The following NOL7 variants were observed in gnomAD, a reference collection of about 807,000 sequenced individuals.
The protein encoded by NOL7 is nucleolar protein 7.
NOL7 carries 36 observed loss-of-function variants against 38.4 expected under a neutral mutation model. The ratio of observed to expected loss-of-function variants is 0.94; its 90% CI spans 0.72 to 1.24. The LOEUF is 1.24. Ranked by LOEUF, NOL7 falls within the 50% of genes most tolerant of loss-of-function variation. The pLI is 0.00. For synonymous variants in NOL7, 142 were observed against 126.5 expected, an observed-to-expected ratio of 1.12 and a Z score of -0.82; for missense variants, 350 against 315.1, an observed-to-expected ratio of 1.11 and a Z score of -0.84.
Position 13,617,750 on chromosome 6 carries a change from GTT to G in NOL7, c.387-17_387-16del. 6.2e-7 allele frequency: 1 copy of G among 1,612,562 alleles called. No homozygotes were observed. Among genetic ancestry groups the G allele is most frequent in the African/African-American group, 1.3e-5 (1 of 74,966 alleles). ...ATCTTTACTGCCATTGCAGTCAGTG[GTT>G]TTGTTTTTTTTCCTTAGCATCAAGA... On this transcript the variant is annotated intron_variant, in intron 3 of 7. Coordinates refer to ENST00000451315, the MANE Select transcript of NOL7 (RefSeq NM_016167.5).
At chr6:13,628,662 G>A (rs926960015) in intron 8 of NOL7, among the ~76,000 whole-genome samples, 8 of 152,182 alleles carry the variant, frequency 5.3e-5, no homozygotes. Flanking sequence ...ACTCCCAGTC[G>A]TAAACATCTA....
downstream of NOL7, among the ~76,000 whole-genome samples, chr6:13,625,087 T>C (rs1020772840): frequency 6.6e-6 from 1 of 152,208 alleles, no homozygotes; most frequent in African/African-American, 2.4e-5. Context: ...ACTCCCTTAC[T>C]TCCATTTTCA....
At chr6:13,622,298 G>T, downstream of NOL7, 1 of 1,382,504 alleles carries the variant, frequency 7.2e-7, no homozygotes, top group Non-Finnish European at 9.5e-7. Flanking sequence ...CAAATCAGCA[G>T]AGCTGGTCTA....
intron 5 of NOL7, among the ~76,000 whole-genome samples, chr6:13,619,155 A>G (rs925002178): frequency 1.3e-5 from 2 of 152,234 alleles, no homozygotes; most frequent in African/African-American, 4.8e-5. Context: ...CTTATGGTGC[A>G]TGGTGCTGAT....
Position 13,618,127 on chromosome 6 carries a change from T to A in NOL7, c.488T>A (p.Val163Glu). The A allele has an allele frequency of 1.3e-6, 2 of 1,585,046 alleles. No homozygotes were observed. The highest frequency in any genetic ancestry group is 1.7e-6 in the Non-Finnish European group (2 of 1,155,110). The change falls in exon 5 of 8, where the codon GTA (valine) becomes GAA (glutamate). Residue 163 changes from valine (V) to glutamate (E), a missense_variant. Coordinates refer to ENST00000451315, the MANE Select transcript of NOL7 (RefSeq NM_016167.5). ...TCCAAGAAAGTTAAAGTACAAAAAG[T>A]ACAGTCTGTCAGGTAATGAGTCTTT... Reference protein sequence around the residue: ...NDSKKVKVQKVQSVSQNKSYL... With the variant: ...NDSKKVKVQKEQSVSQNKSYL...
intron 4 of NOL7, 98 bp from the exon 5 acceptor site, chr6:13,617,960 C>T (rs1352646476): frequency 2.1e-6 from 2 of 967,054 alleles, no homozygotes; most frequent in Non-Finnish European, 3.3e-6. Flanking sequence ...AAACTGCATC[C>T]ACATTGGTGT....
At chr6:13,616,603 A>C in intron 3 of NOL7, 82 bp downstream of exon 3, 2 of 948,192 alleles carry the variant, frequency 2.1e-6, no homozygotes. Context: ...TTGAATCCAT[A>C]TAACTGAAGG....
intron 8 of NOL7, among the ~76,000 whole-genome samples, chr6:13,629,388 G>T (rs761572578): frequency 1.6e-4 from 24 of 152,316 alleles, no homozygotes; most frequent in Non-Finnish European, 3.2e-4. Flanking sequence ...AGCTAGTTAA[G>T]ATACATGCAC....
chr6:13,626,637 T>C (rs1476401815), downstream of NOL7, among the ~76,000 whole-genome samples: 6 of 152,182 alleles, frequency 3.9e-5, no homozygotes, highest in Non-Finnish European at 5.9e-5. Flanking sequence ...AATATAAAAA[T>C]AGAGAAATTC....
At chr6:13,629,923 T>TCTC (rs1562296324) in intron 8 of NOL7, among the ~76,000 whole-genome samples, 54 of 109,786 alleles carry the variant, frequency 4.9e-4, no homozygotes, top group Admixed American at 2.0e-3. Context: ...CTCTCTCTCG[T>TCTC]GTGTGTGTGT....
At chr6:13,626,861 G>A (rs944899880) in intron 8 of NOL7, among the ~76,000 whole-genome samples, 4 of 152,140 alleles carry the variant, frequency 2.6e-5, no homozygotes, top group Admixed American at 6.5e-5. Context: ...GCAGAGGTGG[G>A]GGAAAGGCTT....
intron 8 of NOL7, chr6:13,632,256 A>T (rs1219934058): frequency 1.0e-6 from 1 of 989,054 alleles, no homozygotes; most frequent in Non-Finnish European, 1.4e-6. Context: ...GCCAGGGGGA[A>T]GGTCAGGTCC....
At chr6:13,623,027 A>G (rs751839925), downstream of NOL7, among the ~76,000 whole-genome samples, 6 of 152,204 alleles carry the variant, frequency 3.9e-5, no homozygotes, top group Non-Finnish European at 7.3e-5. Flanking sequence ...GAGAACATAC[A>G]GCAGAGCCAC....
At chr6:13,619,923 G>A (rs998734454) in intron 5 of NOL7, among the ~76,000 whole-genome samples, 3 of 152,186 alleles carry the variant, frequency 2.0e-5, no homozygotes, top group Non-Finnish European at 2.9e-5. Context: ...TTGGGAGGCC[G>A]AGGCTGGTGG....
rs951091641 is a variant in NOL7 at position 13,621,525 on chromosome 6, G to T, written c.*698G>T. 1 of 152,538 alleles carries T rather than the reference G, an allele frequency of 6.6e-6. No homozygotes were observed. The highest frequency in any genetic ancestry group is 2.4e-5 in the African/African-American group (1 of 41,402). 9.4% of individuals were successfully genotyped at this position (152,538 alleles called of 1,614,324 possible). A position where few individuals can be genotyped will look rare whatever the true frequency, so the allele number is the denominator to read the frequency against. On this transcript the variant is annotated 3_prime_UTR_variant, in exon 8 of 8. Transcript: ENST00000451315. ...TGTAGAAGTAAATTTTTAATGGCTG[G>T]TTAATTATATCACTACATTTTATTG... is the stretch of plus-strand genomic sequence containing the variant.
chr6:13,629,285 T>C (rs7752079), intron 8 of NOL7, among the ~76,000 whole-genome samples: 1,543 of 152,260 alleles, frequency 0.01, 14 homozygotes, highest in African/African-American at 0.035. Context: ...CTCGTGTAGT[T>C]ATTTAAAAAT....
In NOL7 at chr6:13,620,767, AC is replaced by A; in HGVS notation, c.715del (p.Gln239LysfsTer15). ...TTTATATTCTAGGAATCCAAAAAAA[AC>A]AAAATGCCAAGAGGTTTAAAAGACG... is the stretch of plus-strand genomic sequence containing the variant. ...LNNAWGIQKK[Q>X]NAKRFKRRWM... is the part of the protein sequence containing the mutation. On this transcript the variant is annotated frameshift_variant, in exon 8 of 8. Transcript: ENST00000451315. LOFTEE classifies it high-confidence loss of function. 2 of 1,597,418 alleles carry A rather than the reference AC, an allele frequency of 1.3e-6. No homozygotes were observed. Among genetic ancestry groups the A allele is most frequent in the East Asian group, 2.2e-5 (1 of 44,664 alleles).
At chr6:13,625,746 C>G (rs1562294424), downstream of NOL7, 3 of 1,608,846 alleles carry the variant, frequency 1.9e-6, no homozygotes, top group Non-Finnish European at 2.6e-6. Flanking sequence ...TCTGAATATG[C>G]TAGTAGACTG....
At chr6:13,630,843 A>G (rs1298280908) in intron 8 of NOL7, among the ~76,000 whole-genome samples, 1 of 144,882 alleles carries the variant, frequency 6.9e-6, no homozygotes, top group Non-Finnish European at 1.5e-5. Flanking sequence ...TCATTTTTCT[A>G]TTTTTTTTTT....
Sources: gnomAD v4.1 joint callset for allele counts (sites outside exome capture counted in the v4.1 genomes callset) on GRCh38, gnomAD v4.1.1 for gene constraint, MANE v1.5 for transcripts, NCBI Gene and HGNC (gene_info 2026-07-23, HGNC 2026-07-21) for gene names.